The following LRP1B variants were observed in gnomAD, a reference collection of about 807,000 sequenced individuals.
The protein encoded by LRP1B is low-density lipoprotein receptor-related protein 1B.
A neutral mutation model predicts 556.6 loss-of-function variants in LRP1B; 217 were observed. The ratio of observed to expected loss-of-function variants is 0.39; its 90% CI spans 0.35 to 0.44. The LOEUF (loss-of-function observed/expected upper bound fraction) is 0.44, where lower values mean the gene tolerates loss of function less well. Among genes scored for constraint, LRP1B ranks in the 20% least tolerant of loss-of-function variants. LRP1B has a pLI of 1.00. For synonymous variants in LRP1B, 2,047 were observed against 1,865.8 expected (o/e 1.10, Z -2.50); for missense variants, 5,053 against 5,620.8 (o/e 0.90, Z 3.23).
chr2:140,760,776 C>T (rs1484851963), intron 35 of LRP1B, among the ~76,000 whole-genome samples: 2 of 152,094 alleles, frequency 1.3e-5, no homozygotes, highest in African/African-American at 4.8e-5. Context: ...GTCCCAGCTA[C>T]TTGGGAAGCA....
At chr2:141,735,144 T>TTTTG (rs56164987) in intron 2 of LRP1B, among the ~76,000 whole-genome samples, 1 of 150,284 alleles carries the variant, frequency 6.7e-6, no homozygotes, top group African/African-American at 2.5e-5. Flanking sequence ...TCATTTTGTT[T>TTTTG]TTTGTTTGTT....
intron 14 of LRP1B, among the ~76,000 whole-genome samples, chr2:141,007,413 C>G (rs931676030): frequency 6.6e-5 from 10 of 151,592 alleles, no homozygotes; most frequent in African/African-American, 1.9e-4. Context: ...TTAAAAAATA[C>G]ATATGAAAGC....
Position 140,442,577 on chromosome 2 carries a change from C to T in LRP1B, c.10341G>A (p.Lys3447=). 2 of 1,613,954 alleles carry T rather than the reference C, an allele frequency of 1.2e-6. No homozygotes were observed. The highest frequency in any genetic ancestry group is 1.7e-6 in the Non-Finnish European group (2 of 1,179,870). Reference sequence around the variant, plus strand: ...AAACCCACAGCTTGGAAATGCAATGCTTCGTAGTCTTACACTGGAAATAGT... The same window carrying T: ...AAACCCACAGCTTGGAAATGCAATGTTTCGTAGTCTTACACTGGAAATAGT... ...SPDYFQCKTT[K]HCISKLWVCD... The change falls in exon 66 of 91, where the codon AAG becomes AAA. Residue 3447 remains lysine, a synonymous_variant. Coordinates refer to ENST00000389484, the MANE Select transcript of LRP1B (RefSeq NM_018557.3).
At chr2:140,828,835 T>G (rs1691615207) in intron 31 of LRP1B, among the ~76,000 whole-genome samples, 1 of 149,864 alleles carries the variant, frequency 6.7e-6, no homozygotes, top group African/African-American at 2.5e-5. Flanking sequence ...AGCTGAATAA[T>G]TTTTTTATTC....
intron 32 of LRP1B, among the ~76,000 whole-genome samples, chr2:140,812,106 A>C (rs1024678618): frequency 3.9e-5 from 6 of 152,168 alleles, no homozygotes; most frequent in African/African-American, 7.2e-5. Flanking sequence ...AAGCAAATGA[A>C]AACCACTAAA....
intron 2 of LRP1B, among the ~76,000 whole-genome samples, chr2:141,503,155 A>T (rs1683788128): frequency 6.7e-6 from 1 of 148,300 alleles, no homozygotes; most frequent in African/African-American, 2.4e-5. Flanking sequence ...ATATAATTAT[A>T]TATGAGTAAT....
At position 141,642,745 on chromosome 2, in the gene LRP1B, G is replaced by T. The variant is rs535562779; in HGVS notation, c.206-162212C>A. On this transcript the variant is annotated intron_variant, in intron 2 of 90. Transcript: ENST00000389484. ...GCCTCATATGGGAGGGATGAGAAAA[G>T]CCCCTTTGAACACAAAATAACGTTT... is the stretch of plus-strand genomic sequence containing the variant. 2.3e-4 allele frequency among the ~76,000 whole-genome samples: 35 copies of T among 152,204 alleles called. No homozygotes were observed. In the South Asian group the frequency reaches 7.3e-3, roughly 32 times the overall value.
intron 4 of LRP1B, among the ~76,000 whole-genome samples, chr2:141,252,049 A>T (rs1159217265): frequency 2.0e-5 from 3 of 151,934 alleles, no homozygotes; most frequent in African/African-American, 7.3e-5. Flanking sequence ...GCTCTTCAGA[A>T]ATGGGTGTAT....
chr2:141,096,629 G>GGGGAGAGAGAGAGAGAGAGA (rs1700318118), intron 7 of LRP1B, among the ~76,000 whole-genome samples: 1 of 59,744 alleles, frequency 1.7e-5, no homozygotes, highest in African/African-American at 7.3e-5. Flanking sequence ...GGGGAGAGGG[G>GGGGAGAGAGAGAGAGAGAGA]GAGAGAGAGA....
chr2:140,584,562 A>T (rs565397724), intron 43 of LRP1B, among the ~76,000 whole-genome samples: 1 of 152,100 alleles, frequency 6.6e-6, no homozygotes, highest in South Asian at 2.1e-4. Flanking sequence ...AAATCAATCC[A>T]TCAGTATCAG....
At chr2:140,489,870 C>T (rs1203103570) in intron 57 of LRP1B, among the ~76,000 whole-genome samples, 1 of 152,032 alleles carries the variant, frequency 6.6e-6, no homozygotes, top group African/African-American at 2.4e-5. Context: ...TAATAAAACT[C>T]CAATTCCAAA....
At chr2:142,070,257 C>T (rs1281963788) in intron 1 of LRP1B, among the ~76,000 whole-genome samples, 1 of 151,728 alleles carries the variant, frequency 6.6e-6, no homozygotes, top group Non-Finnish European at 1.5e-5. Flanking sequence ...TTATTGGGCA[C>T]CTACTGCACG....
intron 66 of LRP1B, among the ~76,000 whole-genome samples, chr2:140,399,835 C>G (rs188861116): frequency 4.5e-4 from 69 of 152,298 alleles, no homozygotes; most frequent in African/African-American, 1.6e-3. Flanking sequence ...AAACTATGAT[C>G]TAGTTATTTG....
At chr2:140,973,181 G>A (rs1016781179) in intron 18 of LRP1B, among the ~76,000 whole-genome samples, 2 of 150,908 alleles carry the variant, frequency 1.3e-5, no homozygotes, top group Admixed American at 1.3e-4. Flanking sequence ...AAATTAGGTA[G>A]AAGAGTAGTT....
chr2:141,472,276 T>A (rs899966060), intron 3 of LRP1B, among the ~76,000 whole-genome samples: 3 of 152,204 alleles, frequency 2.0e-5, no homozygotes, highest in Non-Finnish European at 4.4e-5. Context: ...CCGGACACAG[T>A]GGCTCATGCC....
At chr2:141,844,441 A>G (rs1042548124) in intron 1 of LRP1B, among the ~76,000 whole-genome samples, 1 of 152,154 alleles carries the variant, frequency 6.6e-6, no homozygotes, top group African/African-American at 2.4e-5. Context: ...TTGCATAACT[A>G]TCTTACATAA....
chr2:141,417,596 C>T (rs1679948889), intron 3 of LRP1B, among the ~76,000 whole-genome samples: 1 of 151,948 alleles, frequency 6.6e-6, no homozygotes, highest in Admixed American at 6.6e-5. Flanking sequence ...ATGTATAAAC[C>T]ACATTTTCTT....
intron 15 of LRP1B, among the ~76,000 whole-genome samples, chr2:141,001,774 G>A (rs535758010): frequency 6.6e-6 from 1 of 152,284 alleles, no homozygotes; most frequent in East Asian, 1.9e-4. Flanking sequence ...GCTACTCTGT[G>A]TGTGCGTGTG....
intron 1 of LRP1B, among the ~76,000 whole-genome samples, chr2:141,966,483 C>T (rs992249081): frequency 1.3e-5 from 2 of 151,846 alleles, no homozygotes; most frequent in Non-Finnish European, 2.9e-5. Flanking sequence ...TTGCTGAGGT[C>T]AAGCAAGCAG....
Sources: gnomAD v4.1 joint callset for allele counts (sites outside exome capture counted in the v4.1 genomes callset) on GRCh38, gnomAD v4.1.1 for gene constraint, MANE v1.5 for transcripts, NCBI Gene and HGNC (gene_info 2026-07-23, HGNC 2026-07-21) for gene names.